GK5: variants seen among roughly 807,000 people sequenced by gnomAD.
The protein encoded by GK5 is glycerol kinase 5.
GK5 carries 39 observed loss-of-function variants against 77.3 expected under a neutral mutation model. The ratio of observed to expected loss-of-function variants is 0.50; its 90% CI spans 0.39 to 0.66. GK5 has a LOEUF of 0.66. Among genes scored for constraint, GK5 ranks in the 30% least tolerant of loss-of-function variants. The probability of loss-of-function intolerance (pLI) is 0.00; values close to 1 mark genes in which losing one functional copy is unlikely to be tolerated. For missense variants in GK5, 487 were observed against 633.8 expected, an observed-to-expected ratio of 0.77 and a Z score of 2.49; for synonymous variants, 211 against 208.0, an observed-to-expected ratio of 1.01 and a Z score of -0.13.
chr3:142,209,148 C>CA (rs200845861), intron 3 of GK5, among the ~76,000 whole-genome samples: 7,064 of 131,862 alleles, frequency 0.054, 284 homozygotes, highest in East Asian at 0.16. Context: ...GACTCCGCCT[C>CA]AAAAAAAAAA....
At chr3:142,207,157 A>G (rs2064120481) in intron 3 of GK5, among the ~76,000 whole-genome samples, 2 of 152,186 alleles carry the variant, frequency 1.3e-5, no homozygotes, top group African/African-American at 4.8e-5. Flanking sequence ...TTCCTATCCC[A>G]GAAAAGCAGA....
At chr3:142,209,862 T>G (rs1464240613) in intron 3 of GK5, among the ~76,000 whole-genome samples, 1 of 152,146 alleles carries the variant, frequency 6.6e-6, no homozygotes, top group African/African-American at 2.4e-5. Context: ...ACTCACAGTT[T>G]GTGTTGCTAA....
chr3:142,178,732 G>A (rs1003081480), intron 11 of GK5, among the ~76,000 whole-genome samples: 3 of 152,162 alleles, frequency 2.0e-5, no homozygotes, highest in Admixed American at 1.3e-4. Context: ...GAACATTCAT[G>A]TACATTATTT....
chr3:142,175,327 G>A (rs2063593890), intron 12 of GK5, among the ~76,000 whole-genome samples: 2 of 152,120 alleles, frequency 1.3e-5, no homozygotes. Context: ...CCCTGAAGTG[G>A]CTGTCCTAGA....
At position 142,162,144 on chromosome 3, in the gene GK5, T is replaced by G. The variant is rs1296161533; in HGVS notation, c.*3478A>C. The G allele has an allele frequency of 1.3e-5, 2 of 152,194 alleles. No individual in the cohort carries two copies. The highest frequency in any genetic ancestry group is 4.8e-5 in the African/African-American group (2 of 41,446). 9.4% of individuals were successfully genotyped at this position (152,194 alleles called of 1,614,324 possible). On this transcript the variant is annotated 3_prime_UTR_variant, in exon 16 of 16. Coordinates refer to ENST00000392993, the MANE Select transcript of GK5 (RefSeq NM_001039547.3). ...TTAATCAGCAAAATAGATACCCTAT[T>G]TATTTCAAGATACGATTAACTAATT...
At chr3:142,207,825 C>T (rs769374383) in intron 3 of GK5, among the ~76,000 whole-genome samples, 2 of 152,208 alleles carry the variant, frequency 1.3e-5, no homozygotes, top group Non-Finnish European at 2.9e-5. Flanking sequence ...TTGCGGGCTG[C>T]TGGCCAGATC....
chr3:142,168,974 A>T (rs1025803910), intron 15 of GK5, among the ~76,000 whole-genome samples: 1 of 152,108 alleles, frequency 6.6e-6, no homozygotes, highest in African/African-American at 2.4e-5. Flanking sequence ...TCAAAATTGA[A>T]CCATATGTGA....
intron 10 of GK5, among the ~76,000 whole-genome samples, chr3:142,182,596 A>C (rs918437965): frequency 3.3e-5 from 5 of 152,146 alleles, no homozygotes; most frequent in Non-Finnish European, 4.4e-5. Flanking sequence ...TGATCTGCCC[A>C]CCTCAGCCTC....
intron 9 of GK5, chr3:142,185,595 G>A: frequency 9.0e-7 from 1 of 1,111,514 alleles, no homozygotes; most frequent in Non-Finnish European, 1.1e-6. Flanking sequence ...CCCCATCACT[G>A]TGTTTTGTCT....
chr3:142,218,719 A>G (rs1194694419), intron 1 of GK5, among the ~76,000 whole-genome samples: 1 of 152,130 alleles, frequency 6.6e-6, no homozygotes, highest in East Asian at 1.9e-4. Flanking sequence ...CAAAAGTATA[A>G]TTCATATAAC....
At chr3:142,206,897 C>T (rs1331590072) in intron 3 of GK5, among the ~76,000 whole-genome samples, 1 of 152,142 alleles carries the variant, frequency 6.6e-6, no homozygotes, top group African/African-American at 2.4e-5. Context: ...GTGATCAGCA[C>T]CAACCTATGA....
chr3:142,201,569 G>C (rs2064022544), intron 4 of GK5, among the ~76,000 whole-genome samples: 1 of 152,142 alleles, frequency 6.6e-6, no homozygotes, highest in Non-Finnish European at 1.5e-5. Context: ...GAACTGTTCA[G>C]TATCTTGCAT....
At chr3:142,170,303 T>G in intron 15 of GK5, 22 bp downstream of exon 15, 1 of 1,612,630 alleles carries the variant, frequency 6.2e-7, no homozygotes, top group African/African-American at 1.3e-5. Flanking sequence ...AAAACTCTCA[T>G]TCTTATAAAT....
intron 4 of GK5, among the ~76,000 whole-genome samples, chr3:142,200,620 A>G (rs910180532): frequency 6.6e-6 from 1 of 152,134 alleles, no homozygotes; most frequent in Non-Finnish European, 1.5e-5. Flanking sequence ...CTCTTTATAC[A>G]CCCTACACTA....
chr3:142,178,535 C>T (rs191340441), intron 11 of GK5, among the ~76,000 whole-genome samples: 77 of 152,278 alleles, frequency 5.1e-4, no homozygotes, highest in African/African-American at 1.7e-3. Flanking sequence ...GGTCAAGATA[C>T]AAATTTCTTT....
chr3:142,173,214 A>G, intron 12 of GK5: 1 of 444,710 alleles, frequency 2.2e-6, no homozygotes, highest in Non-Finnish European at 4.5e-6. Context: ...AAAAAAAAAA[A>G]ACACCACTAC....
In GK5 at chr3:142,159,644, A is replaced by G. The variant is rs1361024244; in HGVS notation, c.*5978T>C. 2 of 150,140 alleles carry G rather than the reference A, an allele frequency of 1.3e-5. No homozygotes were observed. The highest frequency in any genetic ancestry group is 3.0e-5 in the Non-Finnish European group (2 of 67,550). The allele number at this position is 150,140 out of a possible 1,614,324, so 9.3% of individuals were successfully genotyped here. A position where few individuals can be genotyped will look rare whatever the true frequency, so the allele number is the denominator to read the frequency against. ...GCTTCAAAACTTAAAAAAAAAAAAA[A>G]GATTCCTTTTACTTGGAAAGGGGAT... On this transcript the variant is annotated 3_prime_UTR_variant, in exon 16 of 16. Coordinates refer to ENST00000392993, the MANE Select transcript of GK5 (RefSeq NM_001039547.3).
rs573579325 is a variant in GK5, at chr3:142,163,226, G to A, written c.*2396C>T. 14 of 151,338 alleles carry A rather than the reference G, an allele frequency of 9.3e-5. No homozygotes were observed. Among genetic ancestry groups the A allele is most frequent in the African/African-American group, 2.4e-4 (10 of 41,268 alleles). The allele number at this position is 151,338 out of a possible 1,614,324, so 9.4% of individuals were successfully genotyped here. A position where few individuals can be genotyped will look rare whatever the true frequency, so the allele number is the denominator to read the frequency against. ...GACACTTGAGGAGATGCTCAATTCC[G>A]ATGAGGGACATTCAAAGTTACTTTC... On this transcript the variant is annotated 3_prime_UTR_variant, in exon 16 of 16. Transcript: ENST00000392993.
chr3:142,214,768 A>G (rs1264881651), intron 2 of GK5, among the ~76,000 whole-genome samples: 1 of 152,204 alleles, frequency 6.6e-6, no homozygotes, highest in Non-Finnish European at 1.5e-5. Flanking sequence ...TACTGAAGAC[A>G]GAGTATTAGA....
Sources: gnomAD v4.1 joint callset for allele counts (sites outside exome capture counted in the v4.1 genomes callset) on GRCh38, gnomAD v4.1.1 for gene constraint, MANE v1.5 for transcripts, NCBI Gene and HGNC (gene_info 2026-07-23, HGNC 2026-07-21) for gene names.